NEGR1: variants seen among roughly 807,000 people sequenced by gnomAD.
The protein encoded by NEGR1 is neuronal growth regulator 1.
A neutral mutation model predicts 40.9 loss-of-function variants in NEGR1; 10 were observed. That is an observed-to-expected ratio of 0.24 (90% CI 0.15 to 0.42). NEGR1 has a LOEUF of 0.42. NEGR1 is among the 10% of genes least tolerant of loss of function. The pLI is 1.00. For missense variants in NEGR1, 352 were observed against 438.9 expected, an observed-to-expected ratio of 0.80 and a Z score of 1.77; for synonymous variants, 185 against 166.8, an observed-to-expected ratio of 1.11 and a Z score of -0.84.
At chr1:72,209,588 C>G (rs1358719550) in intron 1 of NEGR1, among the ~76,000 whole-genome samples, 3 of 151,846 alleles carry the variant, frequency 2.0e-5, no homozygotes, top group Non-Finnish European at 2.9e-5. Context: ...GAAATATTTT[C>G]TAAATTTCGA....
chr1:72,163,649 C>T (rs1651667961), intron 1 of NEGR1, among the ~76,000 whole-genome samples: 1 of 151,838 alleles, frequency 6.6e-6, no homozygotes. Flanking sequence ...AACTTCTAAA[C>T]ATTAATTTTG....
At chr1:71,413,661 A>G (rs1462040404) in intron 6 of NEGR1, among the ~76,000 whole-genome samples, 1 of 152,082 alleles carries the variant, frequency 6.6e-6, no homozygotes, top group African/African-American at 2.4e-5. Flanking sequence ...GAATGGCTTC[A>G]TGGCTGACCT....
chr1:71,560,692 T>C (rs938304911), intron 6 of NEGR1, among the ~76,000 whole-genome samples: 24 of 151,256 alleles, frequency 1.6e-4, no homozygotes, highest in African/African-American at 5.8e-4. Flanking sequence ...AAAGTGATCA[T>C]TTTGCATTTC....
intron 2 of NEGR1, among the ~76,000 whole-genome samples, chr1:71,882,832 T>C (rs973178160): frequency 7.2e-5 from 11 of 152,084 alleles, no homozygotes; most frequent in African/African-American, 2.4e-4. Flanking sequence ...TACCATTTAC[T>C]GGCTATGTGA....
intron 6 of NEGR1, among the ~76,000 whole-genome samples, chr1:71,535,985 G>T (rs1046747163): frequency 6.6e-6 from 1 of 151,654 alleles, no homozygotes; most frequent in East Asian, 2.0e-4. Flanking sequence ...GTGAGAGTGA[G>T]TAAATGTAGT....
chr1:72,192,021 C>T (rs1222526315), intron 1 of NEGR1, among the ~76,000 whole-genome samples: 2 of 151,862 alleles, frequency 1.3e-5, no homozygotes, highest in African/African-American at 4.8e-5. Context: ...ATAGTCTTTA[C>T]TTGTTTTATT....
chr1:72,094,811 G>C (rs1486917102), intron 1 of NEGR1, among the ~76,000 whole-genome samples: 1 of 152,188 alleles, frequency 6.6e-6, no homozygotes, highest in Non-Finnish European at 1.5e-5. Flanking sequence ...ATTACAGTGA[G>C]TGGACCAAAA....
intron 2 of NEGR1, among the ~76,000 whole-genome samples, chr1:71,887,471 T>A (rs1557689144): frequency 6.6e-6 from 1 of 152,242 alleles, no homozygotes. Flanking sequence ...TCATTCCTTG[T>A]ACTAGGATTT....
At chr1:71,721,913 C>T (rs548962063) in intron 3 of NEGR1, among the ~76,000 whole-genome samples, 1 of 151,964 alleles carries the variant, frequency 6.6e-6, no homozygotes, top group South Asian at 2.1e-4. Flanking sequence ...ACAGTTAGTG[C>T]AAGTGAGTCC....
At chr1:71,947,152 A>T (rs931211351) in intron 1 of NEGR1, among the ~76,000 whole-genome samples, 1 of 148,434 alleles carries the variant, frequency 6.7e-6, no homozygotes, top group Non-Finnish European at 1.5e-5. Context: ...ATATATATGG[A>T]TAACTTTATA....
intron 1 of NEGR1, among the ~76,000 whole-genome samples, chr1:72,186,719 T>C (rs1036806193): frequency 5.3e-5 from 8 of 151,814 alleles, no homozygotes; most frequent in Non-Finnish European, 1.2e-4. Flanking sequence ...TAGAATTTCA[T>C]TGCGTTCTGT....
intron 4 of NEGR1, among the ~76,000 whole-genome samples, chr1:71,618,436 C>G (rs1446892347): frequency 1.3e-5 from 2 of 152,112 alleles, no homozygotes; most frequent in Non-Finnish European, 2.9e-5. Flanking sequence ...GACTGAAAAA[C>G]CTGCTTCCAT....
At chr1:71,595,520 T>G (rs1320668837) in intron 5 of NEGR1, among the ~76,000 whole-genome samples, 1 of 152,148 alleles carries the variant, frequency 6.6e-6, no homozygotes, top group Non-Finnish European at 1.5e-5. Context: ...AGAATGTACT[T>G]TTGTGATTTT....
chr1:71,552,486 A>G (rs1202680221), intron 6 of NEGR1, among the ~76,000 whole-genome samples: 1 of 148,486 alleles, frequency 6.7e-6, no homozygotes, highest in Non-Finnish European at 1.5e-5. Flanking sequence ...AGACTATAAT[A>G]CATTAGAAGA....
chr1:72,208,608 A>C (rs943912559), intron 1 of NEGR1, among the ~76,000 whole-genome samples: 2 of 151,704 alleles, frequency 1.3e-5, no homozygotes, highest in Non-Finnish European at 3.0e-5. Context: ...AAAGTAGATT[A>C]TAATTAAAGC....
intron 1 of NEGR1, among the ~76,000 whole-genome samples, chr1:72,021,979 C>A (rs1443254148): frequency 5.3e-5 from 8 of 151,436 alleles, no homozygotes; most frequent in Middle Eastern, 3.2e-3. Flanking sequence ...ACTAAAAATA[C>A]AAAAAATTAG....
At chr1:71,711,173 T>TA (rs1164716054) in intron 3 of NEGR1, among the ~76,000 whole-genome samples, 3,379 of 139,958 alleles carry the variant, frequency 0.024, 98 homozygotes, top group African/African-American at 0.079. Flanking sequence ...CTGTCTCTAC[T>TA]AAAAAAAAAA....
At chr1:72,116,308 C>A (rs1320781730) in intron 1 of NEGR1, among the ~76,000 whole-genome samples, 1 of 151,664 alleles carries the variant, frequency 6.6e-6, no homozygotes, top group Non-Finnish European at 1.5e-5. Flanking sequence ...AAAATGAATC[C>A]ATTCAATCTC....
chr1:71,438,865 G>A (rs536676861), intron 6 of NEGR1, among the ~76,000 whole-genome samples: 31 of 152,308 alleles, frequency 2.0e-4, no homozygotes, highest in Non-Finnish European at 2.9e-4. Flanking sequence ...CAGTGATGGC[G>A]TGGTGGAAAC....
Sources: allele counts gnomAD v4.1 joint callset (sites outside exome capture counted in the v4.1 genomes callset), GRCh38; gene constraint gnomAD v4.1.1; transcripts MANE v1.5; gene names NCBI Gene and HGNC (gene_info 2026-07-23, HGNC 2026-07-21).